The following L3MBTL1 variants were observed in gnomAD, a reference collection of about 807,000 sequenced individuals.
L3MBTL1 encodes the protein lethal(3)malignant brain tumor-like protein 1.
In L3MBTL1, 75 loss-of-function variants were observed where a neutral mutation model predicts 105.3. That is an observed-to-expected ratio of 0.71 (90% CI 0.59 to 0.86). The LOEUF (loss-of-function observed/expected upper bound fraction) is 0.86. Ranked by LOEUF, L3MBTL1 falls within the 40% of genes least tolerant of loss-of-function variation. L3MBTL1 has a pLI of 0.00. For synonymous variants in L3MBTL1, 452 were observed against 436.2 expected, an observed-to-expected ratio of 1.04 and a Z score of -0.45; for missense variants, 1,069 against 1,126.4, an observed-to-expected ratio of 0.95 and a Z score of 0.73.
At chr20:43,513,725 C>A in intron 2 of L3MBTL1, 86 bp downstream of exon 2, 1 of 1,538,116 alleles carries the variant, frequency 6.5e-7, no homozygotes, top group Non-Finnish European at 8.8e-7. Context: ...AGGGGATGAC[C>A]GTTTTCACTG....
chr20:43,516,127 A>G lies in L3MBTL1; in HGVS notation c.812A>G (p.Gln271Arg), dbSNP rs1383979886. The change falls in exon 7 of 22, where the codon CAA becomes CGA. Residue 271 changes from glutamine (Q) to arginine (R), a missense_variant. Physicochemically the swap from Gln to Arg is conservative, Grantham distance 43. Coordinates refer to ENST00000418998, the MANE Select transcript of L3MBTL1 (RefSeq NM_001377303.1). Reference sequence around the variant, plus strand: ...GAAGAAGGAAAGGACCCAGAGGGACAACCCACTGCTAGCACCCCAGAGAGT... The same window carrying G: ...GAAGAAGGAAAGGACCCAGAGGGACGACCCACTGCTAGCACCCCAGAGAGT... ...KQEEGKDPEG[Q>R]PTASTPESEE... 6.2e-7 allele frequency: 1 copy of G among 1,614,010 alleles called. No homozygotes were observed. Among genetic ancestry groups the G allele is most frequent in the African/African-American group, 1.3e-5 (1 of 74,934 alleles).
rs1171650822 is a variant in L3MBTL1 at position 43,513,612 on chromosome 20, C to A, written c.109C>A (p.Leu37Met). The A allele has an allele frequency of 6.4e-7, 1 of 1,550,644 alleles. No individual in the cohort carries two copies. The highest frequency in any genetic ancestry group is 2.0e-5 in the Admixed American group (1 of 51,012). The change falls in exon 2 of 22, where the codon CTG becomes ATG. Residue 37 changes from leucine (L) to methionine (M), a missense_variant. Coordinates refer to ENST00000418998, the MANE Select transcript of L3MBTL1 (RefSeq NM_001377303.1). ...AGDSPGSGPH[L>M]PATAFIIPAS... ...AGACAGCCCCGGTTCTGGTCCTCACCTGCCCGCAACTGCCTTCATCATTCC... is the reference window on the plus strand; with the variant it reads ...AGACAGCCCCGGTTCTGGTCCTCACATGCCCGCAACTGCCTTCATCATTCC...
intron 19 of L3MBTL1, among the ~76,000 whole-genome samples, chr20:43,538,789 A>T (rs746022253): frequency 1.4e-4 from 21 of 152,230 alleles, no homozygotes; most frequent in Non-Finnish European, 3.1e-4. Flanking sequence ...AAAGCTCCCT[A>T]CAAACTTGAT....
chr20:43,534,360 C>G lies in L3MBTL1; in HGVS notation c.1676C>G (p.Ala559Gly). 1.2e-6 allele frequency: 2 copies of G among 1,614,096 alleles called. No individual in the cohort carries two copies. The highest frequency in any genetic ancestry group is 1.7e-6 in the Non-Finnish European group (2 of 1,179,988). ...DRRNPALIRV[A>G]SVEDVEDHRI... ...AGGAACCCAGCCCTGATTCGCGTGG[C>G]CAGCGTGGAGGATGTGGAGGACCAT... Residue 559 changes from alanine (A) to glycine (G), a missense_variant, in exon 15 of 22, where the codon GCC becomes GGC. Physicochemically the swap from Ala to Gly is moderately conservative, Grantham distance 60. Coordinates refer to ENST00000418998, the MANE Select transcript of L3MBTL1 (RefSeq NM_001377303.1).
chr20:43,548,427 C>A, exon 19 of L3MBTL1: 1 of 384,232 alleles, frequency 2.6e-6, no homozygotes, highest in Non-Finnish European at 4.6e-6. Flanking sequence ...AGGCACCCAG[C>A]CCCAAGTCCT....
chr20:43,514,458 T>C, intron 3 of L3MBTL1, 177 bp from the exon 4 acceptor site: 1 of 1,500,192 alleles, frequency 6.7e-7, no homozygotes, highest in Non-Finnish European at 8.9e-7. Flanking sequence ...CTTGGGGGCG[T>C]AGCCTGGAGT....
At chr20:43,535,001 T>C (rs1267501776) in intron 16 of L3MBTL1, 59 bp downstream of exon 16, 1 of 1,234,914 alleles carries the variant, frequency 8.1e-7, no homozygotes, top group African/African-American at 1.5e-5. Flanking sequence ...GACAATCCTA[T>C]AGTTTGCCTA....
chr20:43,514,430 G>C, intron 3 of L3MBTL1: 5 of 1,475,354 alleles, frequency 3.4e-6, no homozygotes, highest in Non-Finnish European at 4.5e-6. Context: ...GGCACCCTGG[G>C]ACTGGACCCC....
chr20:43,544,642 C>CAT (rs1284313720), downstream of L3MBTL1, among the ~76,000 whole-genome samples: 1 of 152,136 alleles, frequency 6.6e-6, no homozygotes, highest in Non-Finnish European at 1.5e-5. Flanking sequence ...TACAAGGAAC[C>CAT]ATATACCAGT....
rs181067054 is a variant in L3MBTL1, at chr20:43,508,306, T to C, written c.-29+562T>C. Among the ~76,000 whole-genome samples, 362 of 152,172 alleles carry C rather than the reference T, an allele frequency of 2.4e-3. 3 individuals are homozygous for C. Among genetic ancestry groups the C allele is most frequent in the Non-Finnish European group, 4.1e-3 (282 of 67,988 alleles). ...CGGATCAGTGACCGCCCCGCCCGCC[T>C]TTGCCTATACCAGTCCCGGGAGGCT... On this transcript the variant is annotated intron_variant, in intron 1 of 21. Transcript: ENST00000418998.
rs1441318620 is a variant in L3MBTL1 at position 43,515,305 on chromosome 20, G to A, written c.667G>A (p.Glu223Lys). Residue 223 changes from glutamate to lysine, a missense_variant, in exon 6 of 22, where the codon GAG becomes AAG. Physicochemically the swap from Glu to Lys is moderately conservative, Grantham distance 56. Transcript: ENST00000418998. ...QLFQERSVIV[E>K]NSSGSTSASE... Reference sequence around the variant, plus strand: ...GCCCTTCCTCAGGTCAGTCATAGTGGAGAACTCCTCAGGCTCTACCAGCGC... The same window carrying A: ...GCCCTTCCTCAGGTCAGTCATAGTGAAGAACTCCTCAGGCTCTACCAGCGC... 7 of 1,603,604 alleles carry A rather than the reference G, an allele frequency of 4.4e-6. 1 individual carries two copies. The South Asian group carries it at 5.6e-5, about 13-fold the overall frequency.
At chr20:43,528,000 C>A (rs2019120188) in intron 7 of L3MBTL1, among the ~76,000 whole-genome samples, 1 of 152,192 alleles carries the variant, frequency 6.6e-6, no homozygotes, top group African/African-American at 2.4e-5. Context: ...TCAAGCAATT[C>A]TCCTGCCTCA....
At chr20:43,525,054 A>G (rs1370251148) in intron 7 of L3MBTL1, among the ~76,000 whole-genome samples, 1 of 151,962 alleles carries the variant, frequency 6.6e-6, no homozygotes, top group East Asian at 1.9e-4. Context: ...GGAGAGATGG[A>G]TATAGATCCA....
intron 18 of L3MBTL1, among the ~76,000 whole-genome samples, chr20:43,547,824 T>A (rs1392750641): frequency 3.9e-5 from 6 of 152,326 alleles, no homozygotes; most frequent in Non-Finnish European, 8.8e-5. Flanking sequence ...CTCAGACCAG[T>A]CAGCAGAAAG....
At chr20:43,516,722 C>G (rs1394472129) in intron 7 of L3MBTL1, among the ~76,000 whole-genome samples, 2 of 152,054 alleles carry the variant, frequency 1.3e-5, no homozygotes, top group African/African-American at 4.8e-5. Context: ...TGTTTAATGT[C>G]TCTCTTCTGC....
At chr20:43,543,106 G>GT (rs55725272), downstream of L3MBTL1, among the ~76,000 whole-genome samples, 69,981 of 147,346 alleles carry the variant, frequency 0.47, 16,935 homozygotes, top group Non-Finnish European at 0.56. Context: ...GCACCACTGA[G>GT]TTTTTTTTTT....
intron 1 of L3MBTL1, among the ~76,000 whole-genome samples, chr20:43,512,412 T>C (rs1243330804): frequency 6.6e-6 from 1 of 152,256 alleles, no homozygotes; most frequent in Non-Finnish European, 1.5e-5. Flanking sequence ...GGTCTCGCTA[T>C]GTTGCCCAGG....
At position 43,513,933 on chromosome 20, in the gene L3MBTL1, G is replaced by A. The variant is rs1015958910; in HGVS notation, c.232G>A (p.Gly78Ser). 38 of 1,550,146 alleles carry A rather than the reference G, an allele frequency of 2.5e-5. No individual in the cohort carries two copies. The highest frequency in any genetic ancestry group is 3.2e-5 in the Non-Finnish European group (37 of 1,146,996). ...IHVGAPEQVA[G>S]CEPVSATVLP... ...TGTGGGTGCCCCGGAGCAAGTGGCC[G>A]GCTGCGAACCAGTTTCTGCCACCGT... is the stretch of plus-strand genomic sequence containing the variant. The change falls in exon 3 of 22, where the codon GGC (glycine) becomes AGC (serine). Residue 78 changes from glycine to serine, a missense_variant. Physicochemically the swap from Gly to Ser is moderately conservative, Grantham distance 56 (BLOSUM62 0). Transcript: ENST00000418998.
At position 43,541,482 on chromosome 20, in the gene L3MBTL1, T is replaced by C; in HGVS notation, c.*354T>C. The C allele has an allele frequency of 4.6e-6, 1 of 217,364 alleles. No homozygotes were observed. The highest frequency in any genetic ancestry group is 2.2e-5 in the African/African-American group (1 of 44,586). 13.5% of individuals were successfully genotyped at this position (217,364 alleles called of 1,614,324 possible). A position where few individuals can be genotyped will look rare whatever the true frequency, so the allele number is the denominator to read the frequency against. ...ATTACAGTCATGCATTGCTTAACGA[T>C]GGGGATACATTCTTAGAAATGTGTC... On this transcript the variant is annotated 3_prime_UTR_variant, in exon 22 of 22. Transcript: ENST00000418998.
Sources: gnomAD v4.1 joint callset for allele counts (sites outside exome capture counted in the v4.1 genomes callset) on GRCh38, gnomAD v4.1.1 for gene constraint, MANE v1.5 for transcripts, NCBI Gene and HGNC (gene_info 2026-07-23, HGNC 2026-07-21) for gene names.